HMX1: variants seen among roughly 807,000 people sequenced by gnomAD.
The protein encoded by HMX1 is homeobox protein HMX1.
Under a neutral mutation model 8.9 loss-of-function variants are expected in HMX1, and 8 were observed. The ratio of observed to expected loss-of-function variants is 0.90; its 90% CI spans 0.53 to 1.63. The LOEUF is 1.63. HMX1 is among the 40% of genes most tolerant of loss of function. The pLI is 0.00. For missense variants in HMX1, 621 were observed against 558.5 expected, an observed-to-expected ratio of 1.11 and a Z score of -1.13; for synonymous variants, 311 against 283.4, an observed-to-expected ratio of 1.10 and a Z score of -0.98.
chr4:8,869,180 C>T (rs560606907), intron 1 of HMX1, among the ~76,000 whole-genome samples: 4 of 152,340 alleles, frequency 2.6e-5, no homozygotes, highest in South Asian at 2.1e-4. Flanking sequence ...AGCTCACAGG[C>T]GGTGTCTGAG....
At chr4:8,856,914 C>A (rs1401077693) in intron 1 of HMX1, among the ~76,000 whole-genome samples, 4 of 152,116 alleles carry the variant, frequency 2.6e-5, no homozygotes, top group Admixed American at 2.0e-4. Flanking sequence ...CATACAGCAC[C>A]CCTTCTCTAC....
At chr4:8,850,852 C>G (rs539442711) in intron 1 of HMX1, among the ~76,000 whole-genome samples, 7 of 152,352 alleles carry the variant, frequency 4.6e-5, no homozygotes, top group Admixed American at 4.6e-4. Context: ...GGACTGTTGC[C>G]GCCAGTGTTG....
At position 8,870,923 on chromosome 4, in the gene HMX1, T is replaced by A. The variant is rs1722190968; in HGVS notation, c.394+298A>T. ...TATCCTCTTTCACTCTCCTTTCTTT[T>A]TTCTTTGGCCTCCTGTTGTCCCCTG... On this transcript the variant is annotated intron_variant, in intron 1 of 1. Transcript: ENST00000400677. The surrounding 1 kb of genome is among the most constrained non-coding windows in gnomAD (Gnocchi z 4.4). Among the ~76,000 whole-genome samples, 1 of 151,844 alleles carries A rather than the reference T, an allele frequency of 6.6e-6. No individual in the cohort carries two copies. The highest frequency in any genetic ancestry group is 1.5e-5 in the Non-Finnish European group (1 of 67,950).
chr4:8,868,254 C>T lies in HMX1; in HGVS notation c.486G>A (p.Arg162=), dbSNP rs1003828832. The T allele has an allele frequency of 2.8e-6, 4 of 1,445,978 alleles. No individual in the cohort carries two copies. The highest frequency in any genetic ancestry group is 2.7e-6 in the Non-Finnish European group (3 of 1,106,590). 89.6% of individuals were successfully genotyped at this position (1,445,978 alleles called of 1,614,324 possible). Residue 162 remains arginine (R), a synonymous_variant, in exon 2 of 2, where the codon CGG becomes CGA. Coordinates refer to ENST00000400677, the MANE Select transcript of HMX1 (RefSeq NM_018942.3). The surrounding 1 kb of genome is among the most constrained non-coding windows in gnomAD (Gnocchi z 4.6). ...PRGPGPGAVQ[R]EAAELAARGP... is the part of the protein sequence containing the mutation. ...CACGCGCCGCCAGCTCCGCTGCCTC[C>T]CGCTGCACCGCTCCCGGCCCGGGGC...
chr4:8,858,682 G>C (rs10046940), intron 1 of HMX1: 10,062 of 152,260 alleles, frequency 0.066, 1,103 homozygotes, highest in African/African-American at 0.22. Flanking sequence ...GTGACACTCA[G>C]GCACACATAC....
intron 1 of HMX1, among the ~76,000 whole-genome samples, chr4:8,857,957 G>A (rs1287830815): frequency 6.6e-6 from 1 of 152,108 alleles, no homozygotes; most frequent in African/African-American, 2.4e-5. Context: ...CGCTCGGGGA[G>A]AGGAGGCGGA....
At chr4:8,856,620 T>C (rs1326531088) in intron 1 of HMX1, among the ~76,000 whole-genome samples, 1 of 152,174 alleles carries the variant, frequency 6.6e-6, no homozygotes, top group African/African-American at 2.4e-5. Context: ...TTTATCAAAA[T>C]TCCTCTGATT....
chr4:8,858,047 A>G (rs1450862653), intron 1 of HMX1, among the ~76,000 whole-genome samples: 2 of 151,906 alleles, frequency 1.3e-5, no homozygotes, highest in African/African-American at 4.8e-5. Flanking sequence ...AATGCGATGT[A>G]CTGTAAGACG....
At chr4:8,850,999 C>T (rs1721431565) in intron 1 of HMX1, among the ~76,000 whole-genome samples, 1 of 152,266 alleles carries the variant, frequency 6.6e-6, no homozygotes, top group Admixed American at 6.5e-5. Flanking sequence ...ATTTCTGGGT[C>T]TTCGTGCCTA....
rs1371619975 is a variant in HMX1 at position 8,867,743 on chromosome 4, C to T, written c.997G>A (p.Ala333Thr). 7.7e-6 allele frequency: 10 copies of T among 1,290,610 alleles called. 1 individual carries two copies. Among genetic ancestry groups the T allele is most frequent in the Non-Finnish European group, 9.8e-6 (10 of 1,022,872 alleles). 79.9% of individuals were successfully genotyped at this position (1,290,610 alleles called of 1,614,324 possible). A position where few individuals can be genotyped will look rare whatever the true frequency, so the allele number is the denominator to read the frequency against. ...ALAYPLAAFPAAASVPFLRAQ... is the reference protein window; with the variant it reads ...ALAYPLAAFPTAASVPFLRAQ... ...CGCAGAAAGGGCACGGAGGCGGCGG[C>T]CGGGAAGGCGGCCAGCGGGTAGGCG... The change falls in exon 2 of 2, where the codon GCC (alanine) becomes ACC (threonine). Residue 333 changes from alanine (A) to threonine (T), a missense_variant. Ala to Thr is a moderately conservative substitution (Grantham distance 58). Coordinates refer to ENST00000400677, the MANE Select transcript of HMX1 (RefSeq NM_018942.3).
rs1722201591 is a variant in HMX1 at position 8,871,181 on chromosome 4, G to A, written c.394+40C>T. On this transcript the variant is annotated intron_variant, in intron 1 of 1. Transcript: ENST00000400677. This position sits in a 1 kb window ranked among gnomAD's most constrained non-coding sequence, Gnocchi z 4.8. ...AGCAAATGCGCAGGGAGGAAGTCGGGCCCCACCGCCTGACCCACCCTCCCC... is the reference window on the plus strand; with the variant it reads ...AGCAAATGCGCAGGGAGGAAGTCGGACCCCACCGCCTGACCCACCCTCCCC... The A allele has an allele frequency of 7.3e-7, 1 of 1,365,418 alleles. No individual in the cohort carries two copies. The allele number at this position is 1,365,418 out of a possible 1,614,324, so 84.6% of individuals were successfully genotyped here. A position where few individuals can be genotyped will look rare whatever the true frequency, so the allele number is the denominator to read the frequency against.
chr4:8,867,758 G>A lies in HMX1; in HGVS notation c.982C>T (p.Leu328=). The A allele has an allele frequency of 7.8e-7, 1 of 1,284,950 alleles. No individual in the cohort carries two copies. The highest frequency in any genetic ancestry group is 9.8e-7 in the Non-Finnish European group (1 of 1,019,552). The allele number at this position is 1,284,950 out of a possible 1,614,324, so 79.6% of individuals were successfully genotyped here. The change falls in exon 2 of 2, where the codon CTG becomes TTG. Residue 328 remains leucine, a synonymous_variant. Coordinates refer to ENST00000400677, the MANE Select transcript of HMX1 (RefSeq NM_018942.3). Reference sequence around the variant, plus strand: ...GAGGCGGCGGCCGGGAAGGCGGCCAGCGGGTAGGCGAGGGCCCCGGAGAAG... The same window carrying A: ...GAGGCGGCGGCCGGGAAGGCGGCCAACGGGTAGGCGAGGGCCCCGGAGAAG... ...LGFSGALAYP[L]AAFPAAASVP... is the part of the protein sequence containing the mutation.
intron 1 of HMX1, among the ~76,000 whole-genome samples, chr4:8,857,445 G>A (rs1390819901): frequency 6.6e-6 from 1 of 152,154 alleles, no homozygotes; most frequent in Admixed American, 6.5e-5. Flanking sequence ...TTCCCCCGCG[G>A]CTTCCCTGCT....
At chr4:8,857,231 A>G (rs911493880) in intron 1 of HMX1, among the ~76,000 whole-genome samples, 4 of 152,172 alleles carry the variant, frequency 2.6e-5, no homozygotes, top group Non-Finnish European at 5.9e-5. Flanking sequence ...AGCGTCGGGG[A>G]CAGATGGGGT....
chr4:8,871,071 C>T lies in HMX1; in HGVS notation c.394+150G>A, dbSNP rs1722196075. 1.2e-6 allele frequency: 1 copy of T among 866,490 alleles called. No homozygotes were observed. The highest frequency in any genetic ancestry group is 2.0e-5 in the African/African-American group (1 of 51,166). 53.7% of individuals were successfully genotyped at this position (866,490 alleles called of 1,614,324 possible). ...CTCCAAACCAGCCCAACCAGGGGCTCCTGGGGGCCCCACAAGGCCCAGACG... is the reference window on the plus strand; with the variant it reads ...CTCCAAACCAGCCCAACCAGGGGCTTCTGGGGGCCCCACAAGGCCCAGACG... On this transcript the variant is annotated intron_variant, in intron 1 of 1. Coordinates refer to ENST00000400677, the MANE Select transcript of HMX1 (RefSeq NM_018942.3). The surrounding 1 kb of genome is among the most constrained non-coding windows in gnomAD (Gnocchi z 4.8).
chr4:8,871,455 C>G lies in HMX1; in HGVS notation c.160G>C (p.Asp54His). ...CGCCGCGCCTGCTCGGCGTCCTCGTCTTCGGGGTCGTCGTCGTCCTCCTCC... is the reference window on the plus strand; with the variant it reads ...CGCCGCGCCTGCTCGGCGTCCTCGTGTTCGGGGTCGTCGTCGTCCTCCTCC... ...DEEEDDDDPE[D>H]EDAEQARRRR... Residue 54 changes from aspartate (D) to histidine (H), a missense_variant, in exon 1 of 2, where the codon GAC (aspartate) becomes CAC (histidine). Asp to His is a moderately conservative substitution (Grantham distance 81). Coordinates refer to ENST00000400677, the MANE Select transcript of HMX1 (RefSeq NM_018942.3). The surrounding 1 kb of genome is among the most constrained non-coding windows in gnomAD (Gnocchi z 4.8). 7.4e-7 allele frequency: 1 copy of G among 1,343,950 alleles called. No homozygotes were observed. The highest frequency in any genetic ancestry group is 9.6e-7 in the Non-Finnish European group (1 of 1,036,556). 83.3% of individuals were successfully genotyped at this position (1,343,950 alleles called of 1,614,324 possible).
In HMX1 at chr4:8,867,138, C is replaced by T. The variant is rs1456397911; in HGVS notation, c.*555G>A. On this transcript the variant is annotated 3_prime_UTR_variant, in exon 2 of 2. Transcript: ENST00000400677. The stretch of plus-strand genomic sequence containing the variant: ...GGAGGCTGCGACGTCTGCAGAGAGC[C>T]CCAGCCTGCCTGCTCCTGGAACGGA... The T allele has an allele frequency of 1.0e-6, 1 of 985,444 alleles. No homozygotes were observed. The highest frequency in any genetic ancestry group is 1.1e-4 in the East Asian group (1 of 8,824). 61.0% of individuals were successfully genotyped at this position (985,444 alleles called of 1,614,324 possible).
rs1721314937 is a variant in HMX1 at position 8,847,514 on chromosome 4, G to C, written c.395-1190C>G. Among the ~76,000 whole-genome samples the C allele has an allele frequency of 6.6e-6, 1 of 152,202 alleles. No homozygotes were observed. The highest frequency in any genetic ancestry group is 6.5e-5 in the Admixed American group (1 of 15,288). ...TGCTCTTCGGAAGATGCTGGGCCGGGCACAACTCCTGTCCCGAGAGCAGGC... is the reference window on the plus strand; with the variant it reads ...TGCTCTTCGGAAGATGCTGGGCCGGCCACAACTCCTGTCCCGAGAGCAGGC... On this transcript the variant is annotated intron_variant, in intron 1 of 1. Coordinates refer to the HMX1 transcript ENST00000506970. The surrounding 1 kb of genome is among the most constrained non-coding windows in gnomAD (Gnocchi z 6.0).
Position 8,867,676 on chromosome 4 carries a change from G to A in HMX1, c.*17C>T. 1 of 1,241,590 alleles carries A rather than the reference G, an allele frequency of 8.1e-7. No homozygotes were observed. Among genetic ancestry groups the A allele is most frequent in the Non-Finnish European group, 1.0e-6 (1 of 993,676 alleles). 76.9% of individuals were successfully genotyped at this position (1,241,590 alleles called of 1,614,324 possible). On this transcript the variant is annotated 3_prime_UTR_variant, in exon 2 of 2. Transcript: ENST00000400677. The stretch of plus-strand genomic sequence containing the variant: ...CAGGTCCACAGGGTCGTGGGGAGAG[G>A]GCCCGGCAGGCGGGGCTCACACCAG...
Sources: gnomAD v4.1 joint callset for allele counts (sites outside exome capture counted in the v4.1 genomes callset) on GRCh38, gnomAD v4.1.1 for gene constraint, Gnocchi (gnomAD v3.1) non-coding constraint, MANE v1.5 for transcripts, NCBI Gene and HGNC (gene_info 2026-07-23, HGNC 2026-07-21) for gene names.